The following ATL2 variants were observed in gnomAD, a reference collection of about 807,000 sequenced individuals.
ATL2 encodes atlastin-2.
A neutral mutation model predicts 73.9 loss-of-function variants in ATL2; 31 were observed. The ratio of observed to expected loss-of-function variants is 0.42; its 90% CI spans 0.32 to 0.57. The LOEUF is 0.57. ATL2 is among the 20% of genes least tolerant of loss of function. ATL2 has a pLI of 0.14. For synonymous variants in ATL2, 291 were observed against 237.5 expected, an observed-to-expected ratio of 1.23 and a Z score of -2.07; for missense variants, 738 against 702.6, an observed-to-expected ratio of 1.05 and a Z score of -0.57.
intron 2 of ATL2, among the ~76,000 whole-genome samples, chr2:38,333,377 T>C (rs747879467): frequency 3.3e-5 from 5 of 152,038 alleles, no homozygotes; most frequent in African/African-American, 4.8e-5. Flanking sequence ...AGGGAGTTAA[T>C]TACCTTAAAA....
chr2:38,303,760 T>C (rs780637321), intron 9 of ATL2, among the ~76,000 whole-genome samples: 12 of 152,178 alleles, frequency 7.9e-5, no homozygotes, highest in African/African-American at 2.2e-4. Flanking sequence ...CAAAAGATTA[T>C]AGAACACCAA....
At chr2:38,321,376 T>C (rs1400596973) in intron 2 of ATL2, among the ~76,000 whole-genome samples, 2 of 152,298 alleles carry the variant, frequency 1.3e-5, no homozygotes, top group East Asian at 3.9e-4. Flanking sequence ...ACCTCATCTA[T>C]GCTGGTCAGA....
intron 9 of ATL2, among the ~76,000 whole-genome samples, chr2:38,305,039 A>G (rs962875715): frequency 1.3e-5 from 2 of 152,030 alleles, no homozygotes; most frequent in Admixed American, 6.5e-5. Context: ...CAGACTGAAA[A>G]TAAAGGTATG....
At chr2:38,304,200 G>A (rs867310729) in intron 9 of ATL2, among the ~76,000 whole-genome samples, 2 of 152,160 alleles carry the variant, frequency 1.3e-5, no homozygotes, top group Non-Finnish European at 2.9e-5. Flanking sequence ...ACACATCTGG[G>A]AGTAGACTTC....
chr2:38,314,217 T>C (rs1252984041), intron 6 of ATL2, among the ~76,000 whole-genome samples: 1 of 151,848 alleles, frequency 6.6e-6, no homozygotes, highest in African/African-American at 2.4e-5. Flanking sequence ...GAAACCAAAA[T>C]AAAGAGTAAC....
chr2:38,371,538 T>A (rs1225371284), intron 1 of ATL2, among the ~76,000 whole-genome samples: 1 of 151,506 alleles, frequency 6.6e-6, no homozygotes, highest in Non-Finnish European at 1.5e-5. Flanking sequence ...TTAAAAAAAT[T>A]ACTGTAAGTT....
At chr2:38,360,965 GATAA>G (rs1670980712) in intron 1 of ATL2, among the ~76,000 whole-genome samples, 1 of 151,876 alleles carries the variant, frequency 6.6e-6, no homozygotes, top group Non-Finnish European at 1.5e-5. Flanking sequence ...AATACCCATG[GATAA>G]ATAAAAAATA....
At chr2:38,338,018 T>C (rs770120523) in intron 2 of ATL2, among the ~76,000 whole-genome samples, 1 of 152,166 alleles carries the variant, frequency 6.6e-6, no homozygotes, top group African/African-American at 2.4e-5. Flanking sequence ...GATTCCTAGA[T>C]TTCAAACTAC....
chr2:38,324,077 A>G (rs1008419156), intron 2 of ATL2, among the ~76,000 whole-genome samples: 2 of 152,180 alleles, frequency 1.3e-5, no homozygotes, highest in African/African-American at 4.8e-5. Flanking sequence ...GGAGTTTGAG[A>G]CCAGCCTGAC....
intron 2 of ATL2, among the ~76,000 whole-genome samples, chr2:38,333,599 G>C (rs1669127732): frequency 6.6e-6 from 1 of 152,070 alleles, no homozygotes; most frequent in African/African-American, 2.4e-5. Context: ...CAAAGAGTTT[G>C]GAATGAAAAA....
chr2:38,355,434 G>A (rs1047045613), intron 1 of ATL2, among the ~76,000 whole-genome samples: 2 of 151,858 alleles, frequency 1.3e-5, no homozygotes, highest in Non-Finnish European at 2.9e-5. Context: ...TATTAGAGAT[G>A]TCCTTTTAAT....
intron 2 of ATL2, among the ~76,000 whole-genome samples, chr2:38,322,437 A>G (rs1668377912): frequency 1.3e-5 from 2 of 152,232 alleles, no homozygotes; most frequent in South Asian, 2.1e-4. Context: ...AAGTTTACTT[A>G]TAAGCTTCAA....
intron 9 of ATL2, among the ~76,000 whole-genome samples, chr2:38,306,585 C>A (rs1489244235): frequency 6.6e-6 from 1 of 152,074 alleles, no homozygotes; most frequent in African/African-American, 2.4e-5. Context: ...ATACACCAAT[C>A]AATCAATCAA....
chr2:38,313,333 C>A (rs1573455482), intron 6 of ATL2, 90 bp from the exon 7 acceptor site: 2 of 862,166 alleles, frequency 2.3e-6, no homozygotes, highest in African/African-American at 3.4e-5. Flanking sequence ...GCCTCTCTTA[C>A]TCTCCTAAAC....
At chr2:38,371,147 T>C (rs973100971) in intron 1 of ATL2, among the ~76,000 whole-genome samples, 3 of 151,478 alleles carry the variant, frequency 2.0e-5, no homozygotes, top group South Asian at 2.1e-4. Context: ...AGTTTCTTTA[T>C]AGAAGGCTTT....
In ATL2 at chr2:38,309,206, A is replaced by C. The variant is rs547473359; in HGVS notation, c.1071+173T>G. The stretch of plus-strand genomic sequence containing the variant: ...TGTCTAGGAGACAGAAATCTGCTAT[A>C]ATCTTTTAAATATCCTTAAATACAG... On this transcript the variant is annotated intron_variant, in intron 9 of 12. Transcript: ENST00000378954. Among the ~76,000 whole-genome samples, 21 of 152,280 alleles carry C rather than the reference A, an allele frequency of 1.4e-4. No individual in the cohort carries two copies. The South Asian group carries it at 4.1e-3, about 30-fold the overall frequency.
intron 6 of ATL2, among the ~76,000 whole-genome samples, chr2:38,313,669 G>A (rs1324615497): frequency 6.6e-6 from 1 of 152,104 alleles, no homozygotes; most frequent in Non-Finnish European, 1.5e-5. Context: ...ACTCATATAG[G>A]GTTAGATTTC....
chr2:38,367,634 CTTT>C (rs776674384), intron 1 of ATL2, among the ~76,000 whole-genome samples: 1 of 95,344 alleles, frequency 1.0e-5, no homozygotes. Context: ...TTTAAAACAA[CTTT>C]TTTTTTTTTT....
At chr2:38,341,428 G>C (rs1414507762) in intron 2 of ATL2, among the ~76,000 whole-genome samples, 1 of 152,146 alleles carries the variant, frequency 6.6e-6, no homozygotes, top group African/African-American at 2.4e-5. Context: ...CTTGAGGCCA[G>C]GAGTTCAAGA....
Sources: allele counts gnomAD v4.1 joint callset (sites outside exome capture counted in the v4.1 genomes callset), GRCh38; gene constraint gnomAD v4.1.1; transcripts MANE v1.5; gene names NCBI Gene and HGNC (gene_info 2026-07-23, HGNC 2026-07-21).